The following PCDHGA1 variants were observed in gnomAD, a reference collection of about 807,000 sequenced individuals.
PCDHGA1 encodes the protein protocadherin gamma subfamily A, 1, also known as protocadherin gamma-A1.
Under a neutral mutation model 58.0 loss-of-function variants are expected in PCDHGA1, and 32 were observed. The ratio of observed to expected loss-of-function variants is 0.55; its 90% CI spans 0.42 to 0.74. PCDHGA1 has a LOEUF of 0.74. PCDHGA1 is among the 30% of genes least tolerant of loss of function. PCDHGA1 has a pLI of 0.00. For missense variants in PCDHGA1, 1,205 were observed against 1,182.3 expected (o/e 1.02, Z -0.28); for synonymous variants, 498 against 501.1 (o/e 0.99, Z 0.08).
At chr5:141,375,450 C>T in intron 1 of PCDHGA1, 1 of 1,614,014 alleles carries the variant, frequency 6.2e-7, no homozygotes, top group Non-Finnish European at 8.5e-7. Flanking sequence ...CCCCATTCAT[C>T]CTACTCAGTC....
rs1196201183 is a variant in PCDHGA1, at chr5:141,490,944, G to A, written c.2422-3863G>A. ...ATGCCCCAGCTGTGCTGCACCCACG[G>A]CCAGACTGGGAACACTCAGCCCCCC... On this transcript the variant is annotated intron_variant, in intron 1 of 3. Transcript: ENST00000517417. This position sits in a 1 kb window ranked among gnomAD's most constrained non-coding sequence, Gnocchi z 5.4. 6.2e-7 allele frequency: 1 copy of A among 1,613,488 alleles called. No individual in the cohort carries two copies. The highest frequency in any genetic ancestry group is 1.3e-5 in the African/African-American group (1 of 74,906).
At chr5:141,355,001 G>C (rs1047101891) in intron 1 of PCDHGA1, 1 of 754,922 alleles carries the variant, frequency 1.3e-6, no homozygotes, top group Non-Finnish European at 1.9e-6. Context: ...AGGGGGAAAA[G>C]ACAAACCAGA....
chr5:141,381,016 C>G (rs961179270), intron 1 of PCDHGA1, among the ~76,000 whole-genome samples: 1 of 152,210 alleles, frequency 6.6e-6, no homozygotes, highest in African/African-American at 2.4e-5. Flanking sequence ...TATAATACCT[C>G]TATTAGTTCC....
intron 1 of PCDHGA1, among the ~76,000 whole-genome samples, chr5:141,439,224 T>C (rs989512996): frequency 2.2e-4 from 33 of 152,030 alleles, no homozygotes; most frequent in Middle Eastern, 3.4e-3. Context: ...TGAAAATTCT[T>C]AGAAGCTTCC....
At chr5:141,424,762 A>T (rs1002777641) in intron 1 of PCDHGA1, 8 of 152,124 alleles carry the variant, frequency 5.3e-5, no homozygotes, top group African/African-American at 1.9e-4. Context: ...GGTCATTCTT[A>T]TGGCAAATAG....
chr5:141,394,481 T>C lies in PCDHGA1; in HGVS notation c.2421+61376T>C, dbSNP rs766569646. The C allele has an allele frequency of 4.3e-6, 7 of 1,614,088 alleles. No individual in the cohort carries two copies. The East Asian group carries it at 6.7e-5, about 15-fold the overall frequency. ...TGAGCCTGTTCGTGCTGGACCAGAATGACAACGCGCCCGAGATCCTGTACC... is the reference window on the plus strand; with the variant it reads ...TGAGCCTGTTCGTGCTGGACCAGAACGACAACGCGCCCGAGATCCTGTACC... On this transcript the variant is annotated intron_variant, in intron 1 of 3. Transcript: ENST00000517417.
At chr5:141,384,983 T>C (rs944174966) in intron 1 of PCDHGA1, 1 of 1,614,026 alleles carries the variant, frequency 6.2e-7, no homozygotes, top group Non-Finnish European at 8.5e-7. Context: ...TACCTGGTGG[T>C]GGCGGTGGCC....
chr5:141,410,063 C>A lies in PCDHGA1; in HGVS notation c.2421+76958C>A. 1.9e-6 allele frequency: 3 copies of A among 1,612,972 alleles called. No homozygotes were observed. The South Asian group carries it at 3.3e-5, about 18-fold the overall frequency. On this transcript the variant is annotated intron_variant, in intron 1 of 3. Coordinates refer to ENST00000517417, the MANE Select transcript of PCDHGA1 (RefSeq NM_018912.3). ...TGAGCCCGGACTCTTCAGCCTGGGG[C>A]TGCGCACTGGGGAGGTGCGCACGGC...
chr5:141,355,461 G>C (rs769145045), intron 1 of PCDHGA1: 12 of 1,613,950 alleles, frequency 7.4e-6, no homozygotes, highest in Middle Eastern at 1.6e-4. Context: ...TGGTCACCGC[G>C]GGTAGGATAG....
At chr5:141,382,796 G>T (rs1271325084) in intron 1 of PCDHGA1, 1 of 990,558 alleles carries the variant, frequency 1.0e-6, no homozygotes, top group Non-Finnish European at 1.5e-6. Context: ...CTATCCTGCT[G>T]GATTCTGAGC....
chr5:141,373,110 T>C (rs878923875), intron 1 of PCDHGA1, among the ~76,000 whole-genome samples: 8 of 152,232 alleles, frequency 5.3e-5, no homozygotes, highest in African/African-American at 1.9e-4. Flanking sequence ...GACATATCTA[T>C]CCAGAATTAG....
chr5:141,346,390 A>G (rs1561492297), intron 1 of PCDHGA1: 2 of 1,614,280 alleles, frequency 1.2e-6, no homozygotes, highest in Non-Finnish European at 1.7e-6. Flanking sequence ...GAGAGCTGTG[A>G]GAAAAGCGAG....
chr5:141,397,846 A>G (rs1032127108), intron 1 of PCDHGA1: 3 of 528,344 alleles, frequency 5.7e-6, no homozygotes, highest in Non-Finnish European at 9.9e-6. Flanking sequence ...GAAGCCGCAG[A>G]GGCTGTAGTT....
chr5:141,438,054 T>C (rs1451843979), intron 1 of PCDHGA1, among the ~76,000 whole-genome samples: 2 of 152,182 alleles, frequency 1.3e-5, no homozygotes, highest in African/African-American at 4.8e-5. Flanking sequence ...TTGAGTTCAC[T>C]TTTAAGAAAC....
intron 1 of PCDHGA1, chr5:141,340,649 C>T: frequency 6.2e-7 from 1 of 1,614,220 alleles, no homozygotes; most frequent in Non-Finnish European, 8.5e-7. Flanking sequence ...CGACAACGCG[C>T]CCGAGATCCT....
In PCDHGA1 at chr5:141,419,435, C is replaced by A. The variant is rs2096382649; in HGVS notation, c.2422-75372C>A. The A allele has an allele frequency of 2.5e-6, 4 of 1,613,108 alleles. No individual in the cohort carries two copies. In the African/African-American group the frequency reaches 4.0e-5, roughly 16 times the overall value. ...GCGCGCCTTCGACCACGAGCAGCTG[C>A]GCACCTTCGAGCTCACGCTGCAGGC... is the stretch of plus-strand genomic sequence containing the variant. On this transcript the variant is annotated intron_variant, in intron 1 of 3. Transcript: ENST00000517417.
chr5:141,483,903 G>C (rs1167942546), intron 1 of PCDHGA1, among the ~76,000 whole-genome samples: 1 of 151,282 alleles, frequency 6.6e-6, no homozygotes, highest in Admixed American at 6.6e-5. Context: ...GCTCTGGTGT[G>C]TTTCCCACTC....
chr5:141,426,882 C>T, intron 1 of PCDHGA1: 1 of 456,664 alleles, frequency 2.2e-6, no homozygotes, highest in South Asian at 1.5e-5. Flanking sequence ...GCCCCTGGGC[C>T]AGGAGCAACA....
intron 1 of PCDHGA1, chr5:141,365,152 C>G: frequency 6.2e-7 from 1 of 1,613,880 alleles, no homozygotes. Context: ...AGGGAATAAA[C>G]GGGAAATTGA....
Sources: allele counts gnomAD v4.1 joint callset (sites outside exome capture counted in the v4.1 genomes callset), GRCh38; gene constraint gnomAD v4.1.1; non-coding constraint Gnocchi (gnomAD v3.1); transcripts MANE v1.5; gene names NCBI Gene and HGNC (gene_info 2026-07-23, HGNC 2026-07-21).